TF: variants seen among roughly 807,000 people sequenced by gnomAD.
The protein encoded by TF is transferrin.
In TF, 55 loss-of-function variants were observed where a neutral mutation model predicts 82.4. The ratio of observed to expected loss-of-function variants is 0.67; its 90% CI spans 0.54 to 0.84. TF has a LOEUF of 0.84. TF is among the 40% of genes least tolerant of loss of function. The probability of loss-of-function intolerance (pLI) is 0.00; values close to 1 mark genes in which losing one functional copy is unlikely to be tolerated. For missense variants in TF, 737 were observed against 868.4 expected (o/e 0.85, Z 1.90); for synonymous variants, 332 against 332.6 (o/e 1.00, Z 0.02).
At chr3:133,751,359 T>TGTA (rs1431982709) in intron 2 of TF, among the ~76,000 whole-genome samples, 7 of 151,344 alleles carry the variant, frequency 4.6e-5, no homozygotes, top group African/African-American at 1.7e-4. Flanking sequence ...CAGCCTCCCG[T>TGTA]GTAGCTGGGA....
rs1247193264 is a variant in TF at position 133,779,128 on chromosome 3, T to A, written c.*508T>A. 1 of 155,912 alleles carries A rather than the reference T, an allele frequency of 6.4e-6. No individual in the cohort carries two copies. Among genetic ancestry groups the A allele is most frequent in the Non-Finnish European group, 1.4e-5 (1 of 70,378 alleles). 9.7% of individuals were successfully genotyped at this position (155,912 alleles called of 1,614,324 possible). The stretch of plus-strand genomic sequence containing the variant: ...TGAGTACAGAAAGACTACAGAAGAC[T>A]TACCTTTATTTGGTATTTTAAATGA... On this transcript the variant is annotated 3_prime_UTR_variant, in exon 17 of 17. Transcript: ENST00000402696.
intron 6 of TF, 78 bp downstream of exon 6, chr3:133,756,415 A>G: frequency 6.9e-7 from 1 of 1,458,040 alleles, no homozygotes; most frequent in Non-Finnish European, 9.5e-7. Context: ...TTTCATGCTC[A>G]GTAATTGGAA....
the TF span, chr3:133,709,689 G>C: frequency 6.5e-6 from 1 of 153,762 alleles, no homozygotes; most frequent in African/African-American, 2.4e-5. Context: ...TCTGGGAGGT[G>C]TTGTGGCAGT....
chr3:133,687,053 G>T, the TF span, among the ~76,000 whole-genome samples: 39 of 152,318 alleles, frequency 2.6e-4, no homozygotes, highest in African/African-American at 7.5e-4. Flanking sequence ...TAGGGACATG[G>T]TTGAAGCTGG....
the TF span, among the ~76,000 whole-genome samples, chr3:133,735,786 C>T: frequency 6.6e-6 from 1 of 152,114 alleles, no homozygotes; most frequent in Non-Finnish European, 1.5e-5. Context: ...AATAAAGCCT[C>T]CAAGAAATAT....
chr3:133,746,405 C>G lies in TF; in HGVS notation c.-36C>G, dbSNP rs1411666372. The stretch of plus-strand genomic sequence containing the variant: ...CGCCGGAGGCTGCACAGAAGCGAGT[C>G]CGACTGTGCTCGCTGCTCAGCGCCG... On this transcript the variant is annotated 5_prime_UTR_variant, in exon 1 of 17. Coordinates refer to ENST00000402696, the MANE Select transcript of TF (RefSeq NM_001063.4). 1.8e-5 allele frequency: 28 copies of G among 1,584,336 alleles called. No individual in the cohort carries two copies. Among genetic ancestry groups the G allele is most frequent in the Non-Finnish European group, 2.2e-5 (26 of 1,168,820 alleles).
intron 1 of TF, among the ~76,000 whole-genome samples, chr3:133,747,883 C>G (rs1287045329): frequency 1.3e-5 from 2 of 151,976 alleles, no homozygotes; most frequent in Non-Finnish European, 2.9e-5. Context: ...GTCTGGAGAC[C>G]CAGATTCTAG....
the TF span, among the ~76,000 whole-genome samples, chr3:133,663,457 G>A: frequency 2.2e-4 from 30 of 138,156 alleles, 1 homozygote; most frequent in African/African-American, 5.6e-4. Flanking sequence ...AGCCTTAAAA[G>A]CAAAAAAACA....
chr3:133,759,344 C>A lies in TF; in HGVS notation c.1203+15C>A, dbSNP rs753044390. ...CCAAGATCATGGTATGTCACTCCAG[C>A]CTTCCTAGGGCAGCGTCCCTGTCAT... On this transcript the variant is annotated intron_variant, in intron 9 of 16. Coordinates refer to ENST00000402696, the MANE Select transcript of TF (RefSeq NM_001063.4). The A allele has an allele frequency of 6.8e-6, 11 of 1,612,990 alleles. No individual in the cohort carries two copies. In the Admixed American group the frequency reaches 1.7e-4, roughly 24 times the overall value.
the TF span, among the ~76,000 whole-genome samples, chr3:133,703,895 T>C: frequency 6.6e-6 from 1 of 152,128 alleles, no homozygotes; most frequent in African/African-American, 2.4e-5. Context: ...TTAAATGCAT[T>C]TCCTGAGTCT....
At position 133,782,372 on chromosome 3, in the gene TF, G is replaced by T. The variant is rs1215019620; in HGVS notation, c.*3752G>T. 2 of 152,108 alleles carry T rather than the reference G, an allele frequency of 1.3e-5. No individual in the cohort carries two copies. The highest frequency in any genetic ancestry group is 1.3e-4 in the Admixed American group (2 of 15,264). The allele number at this position is 152,108 out of a possible 1,614,324, so 9.4% of individuals were successfully genotyped here. On this transcript the variant is annotated 3_prime_UTR_variant, in exon 17 of 17. Coordinates refer to ENST00000402696, the MANE Select transcript of TF (RefSeq NM_001063.4). The stretch of plus-strand genomic sequence containing the variant: ...TCATTGCAGCATTGCAGCCAATATA[G>T]GGAAGCAACCTAAATGCCTGTTGAA...
At chr3:133,675,545 A>G in the TF span, among the ~76,000 whole-genome samples, 1 of 152,222 alleles carries the variant, frequency 6.6e-6, no homozygotes, top group Non-Finnish European at 1.5e-5. Flanking sequence ...CATAGAAAGG[A>G]GAAATGTTCT....
the TF span, among the ~76,000 whole-genome samples, chr3:133,689,064 A>G: frequency 6.6e-6 from 1 of 152,150 alleles, no homozygotes; most frequent in African/African-American, 2.4e-5. Context: ...GGTGGCTCAC[A>G]CCTGTAATCG....
chr3:133,788,665 T>C lies in TF; in HGVS notation c.*10045T>C, dbSNP rs9871148. On this transcript the variant is annotated 3_prime_UTR_variant, in exon 17 of 17. Coordinates refer to ENST00000402696, the MANE Select transcript of TF (RefSeq NM_001063.4). ...CCTCTGTCTCTTTTTCCTTTCCAAC[T>C]CGGGACCCTTGGTGGGCAGCGCCTA... The C allele has an allele frequency of 0.27, 40,498 of 152,036 alleles. 6,419 individuals are homozygous for C. Among genetic ancestry groups the C allele is most frequent in the East Asian group, 0.46 (2,376 of 5,168 alleles). 9.4% of individuals were successfully genotyped at this position (152,036 alleles called of 1,614,324 possible).
chr3:133,724,578 G>A, the TF span, among the ~76,000 whole-genome samples: 3 of 152,284 alleles, frequency 2.0e-5, no homozygotes, highest in African/African-American at 4.8e-5. Context: ...TGAGTCGGTT[G>A]CGAAAATTTT....
the TF span, among the ~76,000 whole-genome samples, chr3:133,735,534 A>G: frequency 6.6e-6 from 1 of 152,176 alleles, no homozygotes; most frequent in Non-Finnish European, 1.5e-5. Context: ...TTCTAACCCA[A>G]TGCAAGGAAG....
intron 11 of TF, 74 bp from the exon 12 acceptor site, chr3:133,766,204 G>A: frequency 7.0e-7 from 1 of 1,433,846 alleles, no homozygotes; most frequent in Non-Finnish European, 9.8e-7. Context: ...CTTCCCTAGG[G>A]AAATTGATTG....
the TF span, among the ~76,000 whole-genome samples, chr3:133,730,517 C>T: frequency 6.6e-6 from 1 of 152,182 alleles, no homozygotes; most frequent in South Asian, 2.1e-4. Flanking sequence ...TCCTAAGTGG[C>T]ACAGACCTGA....
the TF span, among the ~76,000 whole-genome samples, chr3:133,703,195 A>G: frequency 6.6e-6 from 1 of 152,202 alleles, no homozygotes; most frequent in Non-Finnish European, 1.5e-5. Flanking sequence ...TATCTTTAAT[A>G]TTAATGGTAA....
Sources: allele counts gnomAD v4.1 joint callset (sites outside exome capture counted in the v4.1 genomes callset), GRCh38; gene constraint gnomAD v4.1.1; transcripts MANE v1.5; gene names NCBI Gene and HGNC (gene_info 2026-07-23, HGNC 2026-07-21).